The following CDK14 variants were observed in gnomAD, a reference collection of about 807,000 sequenced individuals.
CDK14 encodes the protein cyclin dependent kinase 14.
CDK14 carries 34 observed loss-of-function variants against 60.7 expected under a neutral mutation model. The observed-to-expected ratio is 0.56, with a 90% CI of 0.43 to 0.75. CDK14 has a LOEUF of 0.75. Ranked by LOEUF, CDK14 falls within the 30% of genes least tolerant of loss-of-function variation. The pLI is 0.00. For synonymous variants in CDK14, 197 were observed against 203.7 expected (o/e 0.97, Z 0.28); for missense variants, 482 against 564.1 (o/e 0.85, Z 1.47).
At chr7:90,622,876 T>A (rs2116377287) in intron 2 of CDK14, among the ~76,000 whole-genome samples, 1 of 151,814 alleles carries the variant, frequency 6.6e-6, no homozygotes, top group South Asian at 2.1e-4. Flanking sequence ...GGGATCCTAC[T>A]TAAAAAATAT....
intron 14 of CDK14, among the ~76,000 whole-genome samples, chr7:91,127,593 A>C (rs1799991769): frequency 6.6e-6 from 1 of 152,180 alleles, no homozygotes; most frequent in Non-Finnish European, 1.5e-5. Context: ...TTTGTGTCTA[A>C]TCCATGTGAA....
At chr7:90,741,413 G>A (rs1206426899) in intron 3 of CDK14, among the ~76,000 whole-genome samples, 1 of 152,176 alleles carries the variant, frequency 6.6e-6, no homozygotes, top group African/African-American at 2.4e-5. Context: ...GCAAAAATCT[G>A]TTTAGTTCCA....
intron 4 of CDK14, among the ~76,000 whole-genome samples, chr7:90,782,351 G>A (rs1420588584): frequency 1.3e-5 from 2 of 152,102 alleles, no homozygotes; most frequent in Non-Finnish European, 2.9e-5. Flanking sequence ...ATACAATCAT[G>A]TCATCTGCAA....
intron 5 of CDK14, among the ~76,000 whole-genome samples, chr7:90,818,301 A>G (rs868472707): frequency 4.6e-5 from 7 of 152,224 alleles, no homozygotes; most frequent in Non-Finnish European, 5.9e-5. Context: ...GGCAGTTAAT[A>G]TAGTGGAACT....
intron 11 of CDK14, among the ~76,000 whole-genome samples, chr7:91,049,215 GT>G (rs1797323641): frequency 6.6e-6 from 1 of 152,028 alleles, no homozygotes; most frequent in African/African-American, 2.4e-5. Context: ...TTATCCCTTT[GT>G]CCATGAAAAC....
chr7:90,692,104 G>A (rs1349514045), intron 2 of CDK14, among the ~76,000 whole-genome samples: 3 of 152,186 alleles, frequency 2.0e-5, no homozygotes, highest in Admixed American at 6.5e-5. Context: ...GCTCCAATCT[G>A]CGAAATACAT....
chr7:90,938,005 T>G (rs530667833), intron 8 of CDK14, among the ~76,000 whole-genome samples: 1 of 152,374 alleles, frequency 6.6e-6, no homozygotes, highest in South Asian at 2.1e-4. Context: ...TAAGTTCATG[T>G]TACACAATTT....
intron 10 of CDK14, among the ~76,000 whole-genome samples, chr7:90,999,576 G>A (rs1397821722): frequency 2.0e-5 from 3 of 152,080 alleles, no homozygotes; most frequent in South Asian, 2.1e-4. Context: ...GTGACAGAGC[G>A]AGACTCTGTC....
intron 6 of CDK14, among the ~76,000 whole-genome samples, chr7:90,865,351 T>G (rs1791142904): frequency 6.6e-6 from 1 of 152,162 alleles, no homozygotes. Context: ...CAAAAATAAC[T>G]TCCCTGAATA....
intron 5 of CDK14, among the ~76,000 whole-genome samples, chr7:90,798,267 T>C (rs1220396927): frequency 2.7e-5 from 4 of 150,456 alleles, no homozygotes; most frequent in Non-Finnish European, 5.9e-5. Flanking sequence ...ATTTGTTTTT[T>C]TCTTGCCTTC....
At chr7:91,006,455 A>G (rs1795981162) in intron 10 of CDK14, among the ~76,000 whole-genome samples, 1 of 152,192 alleles carries the variant, frequency 6.6e-6, no homozygotes. Flanking sequence ...ATTCCTTACT[A>G]CCAACACACG....
At chr7:91,079,010 G>T (rs1798405261) in intron 11 of CDK14, among the ~76,000 whole-genome samples, 1 of 152,142 alleles carries the variant, frequency 6.6e-6, no homozygotes, top group Admixed American at 6.6e-5. Flanking sequence ...TACAATATAG[G>T]AAAGGAGACC....
At chr7:90,775,790 G>A (rs1233556822) in intron 4 of CDK14, among the ~76,000 whole-genome samples, 2 of 130,414 alleles carry the variant, frequency 1.5e-5, no homozygotes, top group African/African-American at 5.9e-5. Context: ...TCTCCTACCT[G>A]GCTTCCTCCT....
chr7:90,704,622 C>T (rs1801857106), intron 2 of CDK14, among the ~76,000 whole-genome samples: 1 of 152,028 alleles, frequency 6.6e-6, no homozygotes, highest in South Asian at 2.1e-4. Flanking sequence ...ATAGAATCAC[C>T]TATGTTTATT....
intron 4 of CDK14, among the ~76,000 whole-genome samples, chr7:90,750,201 C>CACACACACAA (rs1210455071): frequency 1.3e-5 from 1 of 78,570 alleles, no homozygotes; most frequent in African/African-American, 5.0e-5. Flanking sequence ...CACACACACA[C>CACACACACAA]CAATAATATT....
chr7:90,632,403 A>G (rs1397217824), intron 2 of CDK14: 3 of 265,068 alleles, frequency 1.1e-5, no homozygotes, highest in Middle Eastern at 4.9e-4. Flanking sequence ...TCTTTTTTGG[A>G]GTAAAGTGAT....
At chr7:90,629,586 T>C (rs1799949030) in intron 2 of CDK14, among the ~76,000 whole-genome samples, 1 of 152,184 alleles carries the variant, frequency 6.6e-6, no homozygotes, top group Non-Finnish European at 1.5e-5. Context: ...TGGTGTTTGG[T>C]GGGCAGGGGT....
chr7:90,864,728 A>G (rs1791117469), intron 6 of CDK14, among the ~76,000 whole-genome samples: 2 of 152,156 alleles, frequency 1.3e-5, no homozygotes, highest in Admixed American at 1.3e-4. Context: ...ACGATTTTGT[A>G]TTTATGTTGT....
chr7:90,792,661 C>A (rs1469129838), intron 5 of CDK14, among the ~76,000 whole-genome samples: 1 of 152,134 alleles, frequency 6.6e-6, no homozygotes, highest in South Asian at 2.1e-4. Flanking sequence ...CACTGCCACC[C>A]CTAGTCCAGG....
Sources: allele counts gnomAD v4.1 joint callset (sites outside exome capture counted in the v4.1 genomes callset), GRCh38; gene constraint gnomAD v4.1.1; transcripts MANE v1.5; gene names NCBI Gene and HGNC (gene_info 2026-07-23, HGNC 2026-07-21).